Variants in CSPP1 observed in about 807,000 individuals in gnomAD.
CSPP1 encodes the protein centrosome and spindle pole-associated protein 1.
Under a neutral mutation model 164.4 loss-of-function variants are expected in CSPP1, and 126 were observed. The ratio of observed to expected loss-of-function variants is 0.77; its 90% CI spans 0.66 to 0.89. The LOEUF (loss-of-function observed/expected upper bound fraction) is 0.89. Ranked by LOEUF, CSPP1 falls within the 40% of genes least tolerant of loss-of-function variation. The pLI is 0.00. For synonymous variants in CSPP1, 472 were observed against 476.7 expected, an observed-to-expected ratio of 0.99 and a Z score of 0.13; for missense variants, 1,395 against 1,449.8, an observed-to-expected ratio of 0.96 and a Z score of 0.61.
At chr8:67,177,823 G>T in intron 27 of CSPP1, 97 bp downstream of exon 27, 1 of 856,726 alleles carries the variant, frequency 1.2e-6, no homozygotes, top group South Asian at 1.4e-5. Flanking sequence ...AATTATTCAG[G>T]AATATTGAAT....
intron 22 of CSPP1, among the ~76,000 whole-genome samples, chr8:67,163,128 G>C (rs987808755): frequency 1.3e-5 from 2 of 152,188 alleles, no homozygotes; most frequent in Non-Finnish European, 2.9e-5. Context: ...AATGCCCACT[G>C]AATGTGTCAC....
chr8:67,109,556 G>T (rs1451308597), intron 9 of CSPP1, among the ~76,000 whole-genome samples: 1 of 152,132 alleles, frequency 6.6e-6, no homozygotes, highest in East Asian at 1.9e-4. Flanking sequence ...CTCAAGGGGA[G>T]GGAATTATAC....
chr8:67,111,002 A>G (rs1223478541), intron 9 of CSPP1, among the ~76,000 whole-genome samples: 1 of 152,088 alleles, frequency 6.6e-6, no homozygotes, highest in Non-Finnish European at 1.5e-5. Flanking sequence ...AATTTATGTT[A>G]CCTCTACGGG....
At position 67,137,565 on chromosome 8, in the gene CSPP1, G is replaced by A. The variant is rs923561338; in HGVS notation, c.1937G>A (p.Gly646Asp). ...RTYNPWGKGG[G>D]GAPLRDAKGN... is the part of the protein sequence containing the mutation. ...TATAATCCCTGGGGAAAAGGTGGAG[G>A]TGGTGCTCCTCTCAGGGATGCAAAA... is the stretch of plus-strand genomic sequence containing the variant. Residue 646 changes from glycine (G) to aspartate (D), a missense_variant, in exon 17 of 31, where the codon GGT becomes GAT. Physicochemically the swap from Gly to Asp is moderately conservative, Grantham distance 94. Transcript: ENST00000678616. The A allele has an allele frequency of 6.3e-7, 1 of 1,594,770 alleles. No homozygotes were observed. Among genetic ancestry groups the A allele is most frequent in the Non-Finnish European group, 8.5e-7 (1 of 1,171,080 alleles).
At chr8:67,130,095 C>T (rs1228522280) in intron 15 of CSPP1, among the ~76,000 whole-genome samples, 1 of 152,008 alleles carries the variant, frequency 6.6e-6, no homozygotes, top group Non-Finnish European at 1.5e-5. Flanking sequence ...GGAGGGCCTA[C>T]TTTTCTTATG....
At chr8:67,158,296 A>T (rs2129560078) in intron 19 of CSPP1, 151 bp from the exon 20 acceptor site, 1 of 750,168 alleles carries the variant, frequency 1.3e-6, no homozygotes, top group South Asian at 2.7e-5. Flanking sequence ...TAAATCATGT[A>T]GCCTCCCTGA....
chr8:67,152,181 A>G (rs1825838382), intron 18 of CSPP1, among the ~76,000 whole-genome samples: 1 of 152,060 alleles, frequency 6.6e-6, no homozygotes, highest in Non-Finnish European at 1.5e-5. Flanking sequence ...GCTATGCCAT[A>G]TATATGTGTA....
intron 19 of CSPP1, among the ~76,000 whole-genome samples, chr8:67,154,761 G>A (rs1163969628): frequency 7.9e-5 from 12 of 151,988 alleles, no homozygotes; most frequent in African/African-American, 2.4e-4. Context: ...TTGGTCCCCC[G>A]AAGTGCTGGG....
intron 21 of CSPP1, among the ~76,000 whole-genome samples, chr8:67,160,325 C>T (rs901321959): frequency 3.3e-5 from 5 of 151,808 alleles, no homozygotes; most frequent in African/African-American, 7.2e-5. Flanking sequence ...ATTAGCTGGG[C>T]GTGGTGGCAG....
At chr8:67,083,548 A>AAAAAAAAAAATATATATATATATAT (rs1332248754) in intron 3 of CSPP1, 1 of 91,484 alleles carries the variant, frequency 1.1e-5, no homozygotes, top group African/African-American at 4.4e-5. Context: ...AAAAAAAAAA[A>AAAAAAAAAAATATATATATATATAT]ATATATATAT....
At position 67,172,405 on chromosome 8, in the gene CSPP1, T is replaced by C; in HGVS notation, c.2829-11T>C. On this transcript the variant is annotated splice_polypyrimidine_tract_variant and intron_variant, in intron 24 of 30. Coordinates refer to ENST00000678616, the MANE Select transcript of CSPP1 (RefSeq NM_001382391.1). ...GTGAAGCACATATTATGATTTGTCA[T>C]TTATCTATAGGAAAAAGGAAAGGAA... 1 of 1,604,162 alleles carries C rather than the reference T, an allele frequency of 6.2e-7. No individual in the cohort carries two copies. Among genetic ancestry groups the C allele is most frequent in the Middle Eastern group, 1.7e-4 (1 of 6,036 alleles).
rs1160667297 is a variant in CSPP1 at position 67,076,562 on chromosome 8, A to G, written c.180A>G (p.Gln60=). 1.9e-6 allele frequency: 3 copies of G among 1,595,580 alleles called. No individual in the cohort carries two copies. The South Asian group carries it at 3.4e-5, about 18-fold the overall frequency. The change falls in exon 3 of 31, where the codon CAA becomes CAG. Residue 60 remains glutamine (Q), a synonymous_variant. Transcript: ENST00000678616. ...MAKENIPPNS[Q]QTRGSLGIDY... The stretch of plus-strand genomic sequence containing the variant: ...AGGAAAACATACCACCAAATAGTCA[A>G]CAGACCAGGGGTTCCTTAGGTATGT...
At chr8:67,109,833 C>G (rs947018307) in intron 9 of CSPP1, among the ~76,000 whole-genome samples, 1 of 151,898 alleles carries the variant, frequency 6.6e-6, no homozygotes, top group Non-Finnish European at 1.5e-5. Context: ...AAGTGGATGG[C>G]GGGGTTACAG....
intron 13 of CSPP1, among the ~76,000 whole-genome samples, chr8:67,117,719 C>A (rs182171731): frequency 2.2e-4 from 34 of 152,296 alleles, no homozygotes; most frequent in Admixed American, 2.0e-3. Context: ...CTTCCTCTAA[C>A]ACACACAAGC....
chr8:67,190,499 T>C (rs923982101), intron 28 of CSPP1, 151 bp from the exon 29 acceptor site: 4 of 622,166 alleles, frequency 6.4e-6, no homozygotes, highest in Admixed American at 2.8e-5. Context: ...GTAAATTTAC[T>C]AAAAAAATCA....
intron 3 of CSPP1, among the ~76,000 whole-genome samples, chr8:67,078,580 C>T (rs1045128869): frequency 2.6e-5 from 4 of 152,086 alleles, no homozygotes; most frequent in Non-Finnish European, 5.9e-5. Context: ...GGTCTGGTCT[C>T]GAACTCGCTA....
At chr8:67,124,610 C>T (rs1447966490) in intron 15 of CSPP1, among the ~76,000 whole-genome samples, 1 of 152,088 alleles carries the variant, frequency 6.6e-6, no homozygotes, top group African/African-American at 2.4e-5. Flanking sequence ...AAACAGTCTT[C>T]CCGCCTTAGC....
intron 18 of CSPP1, among the ~76,000 whole-genome samples, chr8:67,152,086 CAA>C (rs1185447488): frequency 5.7e-3 from 329 of 58,118 alleles, no homozygotes; most frequent in African/African-American, 0.013. Context: ...GACTCCATCT[CAA>C]AAAAAAAAAA....
intron 9 of CSPP1, among the ~76,000 whole-genome samples, chr8:67,109,067 C>G (rs1014918541): frequency 6.6e-6 from 1 of 152,208 alleles, no homozygotes; most frequent in Non-Finnish European, 1.5e-5. Context: ...TCCAGTGGGT[C>G]AAGTCTGGGC....
Sources: gnomAD v4.1 joint callset for allele counts (sites outside exome capture counted in the v4.1 genomes callset) on GRCh38, gnomAD v4.1.1 for gene constraint, MANE v1.5 for transcripts, NCBI Gene and HGNC (gene_info 2026-07-23, HGNC 2026-07-21) for gene names.